The following PAH variants were observed in gnomAD, a reference collection of about 807,000 sequenced individuals.
PAH encodes the protein phenylalanine-4-hydroxylase.
A neutral mutation model predicts 62.0 loss-of-function variants in PAH; 64 were observed. The ratio of observed to expected loss-of-function variants is 1.03; its 90% CI spans 0.84 to 1.27. PAH has a LOEUF of 1.27. PAH is among the 50% of genes most tolerant of loss of function. The probability of loss-of-function intolerance (pLI) is 0.00; values close to 1 mark genes in which losing one functional copy is unlikely to be tolerated. For missense variants in PAH, 579 were observed against 542.8 expected, an observed-to-expected ratio of 1.07 and a Z score of -0.66; for synonymous variants, 195 against 196.2, an observed-to-expected ratio of 0.99 and a Z score of 0.05.
chr12:102,945,526 C>G (rs1490723923), intron 1 of PAH, among the ~76,000 whole-genome samples: 2 of 152,166 alleles, frequency 1.3e-5, no homozygotes, highest in Non-Finnish European at 2.9e-5. Flanking sequence ...AGAGTTCTTC[C>G]CATTCTTCCC....
intron 4 of PAH, among the ~76,000 whole-genome samples, chr12:102,874,183 G>C (rs553254196): frequency 6.6e-6 from 1 of 152,212 alleles, no homozygotes; most frequent in African/African-American, 2.4e-5. Context: ...AGGTTTCCAA[G>C]TGGGGAAATA....
At chr12:102,902,807 C>T (rs1014561362) in intron 2 of PAH, among the ~76,000 whole-genome samples, 2 of 152,170 alleles carry the variant, frequency 1.3e-5, no homozygotes, top group East Asian at 3.9e-4. Context: ...TGGGATCTCA[C>T]TCTTGCTTCC....
At position 102,852,957 on chromosome 12, in the gene PAH, T is replaced by G; in HGVS notation, c.707-7A>C. 6.2e-7 allele frequency: 1 copy of G among 1,613,816 alleles called. No homozygotes were observed. Among genetic ancestry groups the G allele is most frequent in the Non-Finnish European group, 8.5e-7 (1 of 1,179,948 alleles). On this transcript the variant is annotated splice_polypyrimidine_tract_variant and splice_region_variant and intron_variant, in intron 6 of 12. Transcript: ENST00000553106. ...AGGCGGAAACCAGTGCAAGCTGGGA[T>G]GAAAAGAAGAAAGAAAACTCAAAGC...
intron 1 of PAH, among the ~76,000 whole-genome samples, chr12:102,937,541 A>G (rs1050266993): frequency 1.3e-5 from 2 of 152,188 alleles, no homozygotes; most frequent in Non-Finnish European, 2.9e-5. Context: ...GAGAAAACTA[A>G]TTTTAAAACT....
chr12:102,880,010 G>GC (rs1876750037), intron 3 of PAH, among the ~76,000 whole-genome samples: 1 of 152,150 alleles, frequency 6.6e-6, no homozygotes, highest in Non-Finnish European at 1.5e-5. Flanking sequence ...TTCAATTTCT[G>GC]CAACAGTCCT....
chr12:102,888,844 T>C (rs1449217954), intron 3 of PAH, among the ~76,000 whole-genome samples: 1 of 152,100 alleles, frequency 6.6e-6, no homozygotes, highest in Admixed American at 6.6e-5. Context: ...CTGTGTGTTT[T>C]TGCAAACATG....
At chr12:102,955,106 T>C (rs1037943730), upstream of PAH, among the ~76,000 whole-genome samples, 1 of 152,220 alleles carries the variant, frequency 6.6e-6, no homozygotes, top group African/African-American at 2.4e-5. Context: ...CCTCCTGGCC[T>C]GAGGCCAATG....
chr12:102,841,542 T>G (rs531968091), intron 11 of PAH, among the ~76,000 whole-genome samples: 1 of 152,242 alleles, frequency 6.6e-6, no homozygotes, highest in South Asian at 2.1e-4. Context: ...GGGGCATTAG[T>G]GGTACCTGCC....
intron 2 of PAH, among the ~76,000 whole-genome samples, chr12:102,895,580 C>T (rs1291281406): frequency 6.6e-6 from 1 of 152,118 alleles, no homozygotes; most frequent in Non-Finnish European, 1.5e-5. Context: ...GGCGCTGTGG[C>T]TCACGCCTGT....
intron 1 of PAH, among the ~76,000 whole-genome samples, chr12:102,944,419 T>A (rs963177420): frequency 3.3e-5 from 5 of 152,230 alleles, no homozygotes; most frequent in African/African-American, 1.2e-4. Context: ...AAGGTTATTT[T>A]CTAGATCTTG....
upstream of PAH, among the ~76,000 whole-genome samples, chr12:102,921,157 A>G (rs73393504): frequency 0.062 from 9,398 of 152,252 alleles, 343 homozygotes; most frequent in Admixed American, 0.1. Flanking sequence ...AAGAGTTCCT[A>G]TTGGTGGGTA....
chr12:102,878,680 A>G (rs1190765761), intron 3 of PAH, among the ~76,000 whole-genome samples: 2 of 151,572 alleles, frequency 1.3e-5, no homozygotes, highest in Non-Finnish European at 2.9e-5. Context: ...GGAGGGAGAA[A>G]ACAAGATAAG....
intron 2 of PAH, among the ~76,000 whole-genome samples, chr12:102,895,128 CAG>C (rs1877448173): frequency 6.6e-6 from 1 of 152,050 alleles, no homozygotes; most frequent in East Asian, 1.9e-4. Context: ...GGAGGTGGGG[CAG>C]TTAGTTCACA....
At chr12:102,856,014 T>C (rs1428936821) in intron 5 of PAH, among the ~76,000 whole-genome samples, 3 of 148,410 alleles carry the variant, frequency 2.0e-5, no homozygotes, top group Non-Finnish European at 1.5e-5. Flanking sequence ...TATATAATTA[T>C]ATACAATTAT....
At chr12:102,915,648 T>TG (rs1878353920) in intron 1 of PAH, among the ~76,000 whole-genome samples, 1 of 152,172 alleles carries the variant, frequency 6.6e-6, no homozygotes, top group Non-Finnish European at 1.5e-5. Context: ...TCTCAATGAG[T>TG]GTTCCTTGGA....
intron 2 of PAH, among the ~76,000 whole-genome samples, chr12:102,909,931 C>T (rs1041642885): frequency 2.6e-5 from 4 of 152,106 alleles, no homozygotes; most frequent in African/African-American, 9.7e-5. Flanking sequence ...TACACTCCAG[C>T]CTGTGTGACA....
upstream of PAH, chr12:102,917,456 G>A (rs1878433394): frequency 5.0e-6 from 2 of 399,916 alleles, no homozygotes; most frequent in East Asian, 5.7e-5. Context: ...AGGGAGCGAC[G>A]GGCCACCCAA....
chr12:102,949,575 T>C (rs1271684930), intron 1 of PAH, among the ~76,000 whole-genome samples: 1 of 152,240 alleles, frequency 6.6e-6, no homozygotes, highest in African/African-American at 2.4e-5. Flanking sequence ...TTTAAGTGAC[T>C]TGCCTTTTCA....
chr12:102,891,927 G>A (rs1877292113), intron 3 of PAH, among the ~76,000 whole-genome samples: 1 of 152,192 alleles, frequency 6.6e-6, no homozygotes, highest in Admixed American at 6.5e-5. Flanking sequence ...ATTGCCCCAG[G>A]ATCTGGCAGG....
Sources: allele counts gnomAD v4.1 joint callset (sites outside exome capture counted in the v4.1 genomes callset), GRCh38; gene constraint gnomAD v4.1.1; transcripts MANE v1.5; gene names NCBI Gene and HGNC (gene_info 2026-07-23, HGNC 2026-07-21).